The following FHOD3 variants were observed in gnomAD, a reference collection of about 807,000 sequenced individuals.
FHOD3 encodes the protein formin homology 2 domain containing 3, also known as FH1/FH2 domain-containing protein 3.
A neutral mutation model predicts 173.0 loss-of-function variants in FHOD3; 90 were observed. That is an observed-to-expected ratio of 0.52 (90% CI 0.44 to 0.62). FHOD3 has a LOEUF of 0.62. FHOD3 is among the 20% of genes least tolerant of loss of function. FHOD3 has a pLI of 0.00. For synonymous variants in FHOD3, 828 were observed against 823.0 expected (o/e 1.01, Z -0.10); for missense variants, 1,945 against 2,034.7 (o/e 0.96, Z 0.85).
intron 5 of FHOD3, among the ~76,000 whole-genome samples, chr18:36,536,721 T>A (rs2057009604): frequency 1.3e-5 from 2 of 152,146 alleles, no homozygotes; most frequent in African/African-American, 4.8e-5. Context: ...CCCACACTCC[T>A]GTCTGCTTTT....
At chr18:36,779,143 C>T in intron 28 of FHOD3, 2 of 396,348 alleles carry the variant, frequency 5.0e-6, no homozygotes, top group East Asian at 4.4e-5. Context: ...TTCTCAGAAG[C>T]CTCGTGAGGG....
intron 7 of FHOD3, among the ~76,000 whole-genome samples, chr18:36,602,016 A>G (rs1271962368): frequency 1.3e-5 from 2 of 152,210 alleles, no homozygotes; most frequent in Non-Finnish European, 2.9e-5. Context: ...CCTCACTTGC[A>G]CAGTGACAGG....
intron 3 of FHOD3, among the ~76,000 whole-genome samples, chr18:36,486,967 C>CTGCA (rs1189830519): frequency 1.3e-5 from 2 of 152,170 alleles, no homozygotes; most frequent in African/African-American, 2.4e-5. Context: ...TTCATCTAGG[C>CTGCA]TGCATGCGTC....
intron 15 of FHOD3, among the ~76,000 whole-genome samples, chr18:36,686,640 A>T (rs1304727359): frequency 0.026 from 1 of 38 alleles, no homozygotes; most frequent in South Asian, 0.5. Flanking sequence ...CCTGGAAATA[A>T]AAAAAAAAAA....
intron 5 of FHOD3, among the ~76,000 whole-genome samples, chr18:36,543,497 A>G (rs909068048): frequency 3.3e-5 from 5 of 152,186 alleles, no homozygotes; most frequent in African/African-American, 1.2e-4. Flanking sequence ...TCCAGAAAAG[A>G]CAGTGCTGGA....
At chr18:36,515,338 C>T (rs1054255706) in intron 5 of FHOD3, among the ~76,000 whole-genome samples, 2 of 152,182 alleles carry the variant, frequency 1.3e-5, no homozygotes, top group Non-Finnish European at 2.9e-5. Context: ...CTGCCTCAGC[C>T]TCCCAAGTAG....
At chr18:36,507,073 T>G (rs907993670) in intron 4 of FHOD3, among the ~76,000 whole-genome samples, 4 of 152,072 alleles carry the variant, frequency 2.6e-5, no homozygotes, top group African/African-American at 4.8e-5. Context: ...CATGTTATGC[T>G]TTTTCATTGT....
At chr18:36,760,866 C>T in intron 27 of FHOD3, 84 bp downstream of exon 27, 1 of 1,408,402 alleles carries the variant, frequency 7.1e-7, no homozygotes, top group Non-Finnish European at 9.4e-7. Context: ...AGGCTGCGGT[C>T]CACGGCTGTG....
intron 1 of FHOD3, among the ~76,000 whole-genome samples, chr18:36,347,542 T>C (rs2045931237): frequency 6.6e-6 from 1 of 152,348 alleles, no homozygotes; most frequent in African/African-American, 2.4e-5. Flanking sequence ...ACATAACTTA[T>C]TAAATATTTC....
chr18:36,460,085 A>G (rs1209092196), intron 3 of FHOD3, among the ~76,000 whole-genome samples: 1 of 152,174 alleles, frequency 6.6e-6, no homozygotes, highest in African/African-American at 2.4e-5. Flanking sequence ...ATGCTTTCTA[A>G]TGTGCCATTC....
intron 19 of FHOD3, among the ~76,000 whole-genome samples, chr18:36,727,501 C>T (rs2041137230): frequency 6.6e-6 from 1 of 152,188 alleles, no homozygotes; most frequent in Non-Finnish European, 1.5e-5. Context: ...CTAGAGCTTG[C>T]ATAATTCCAT....
At chr18:36,532,866 AGAG>A (rs2056844196) in intron 5 of FHOD3, among the ~76,000 whole-genome samples, 1 of 152,244 alleles carries the variant, frequency 6.6e-6, no homozygotes, top group Non-Finnish European at 1.5e-5. Flanking sequence ...AACCATTGTT[AGAG>A]GAGATGAAAT....
intron 6 of FHOD3, among the ~76,000 whole-genome samples, chr18:36,588,333 A>G (rs530801021): frequency 6.6e-6 from 1 of 152,292 alleles, no homozygotes; most frequent in African/African-American, 2.4e-5. Context: ...GTCACTTGAG[A>G]TCTTTTTTTC....
At chr18:36,746,872 G>A (rs1393489408) in intron 23 of FHOD3, 73 bp from the exon 24 acceptor site, 9 of 1,144,538 alleles carry the variant, frequency 7.9e-6, no homozygotes, top group Admixed American at 5.4e-5. Flanking sequence ...CTCCCCAGAG[G>A]CAGTTTTGTC....
At chr18:36,714,094 T>C (rs749158829) in intron 18 of FHOD3, among the ~76,000 whole-genome samples, 5 of 152,038 alleles carry the variant, frequency 3.3e-5, no homozygotes, top group Admixed American at 6.6e-5. Context: ...ATGCAAAAAT[T>C]AAATCAGAGA....
chr18:36,587,130 T>TAGTC (rs146449413), intron 6 of FHOD3, among the ~76,000 whole-genome samples: 1,745 of 152,256 alleles, frequency 0.011, 27 homozygotes, highest in African/African-American at 0.04. Flanking sequence ...AGGGAAGGAA[T>TAGTC]AGTCATGTCT....
chr18:36,701,239 T>G (rs1174809269), intron 17 of FHOD3, among the ~76,000 whole-genome samples: 4 of 152,160 alleles, frequency 2.6e-5, no homozygotes, highest in African/African-American at 9.7e-5. Flanking sequence ...GGAGGACACA[T>G]CTTTGACTAT....
rs1426265173 is a variant in FHOD3 at position 36,297,725 on chromosome 18, C to G, written c.-111C>G. 27 of 828,332 alleles carry G rather than the reference C, an allele frequency of 3.3e-5. No homozygotes were observed. Among genetic ancestry groups the G allele is most frequent in the Non-Finnish European group, 4.0e-5 (26 of 645,304 alleles). The allele number at this position is 828,332 out of a possible 1,614,324, so 51.3% of individuals were successfully genotyped here. On this transcript the variant is annotated 5_prime_UTR_variant, in exon 1 of 29. Coordinates refer to ENST00000590592, the MANE Select transcript of FHOD3 (RefSeq NM_001281740.3). ...GCCCGGCGCGCCTGAGCCTGCGAGTCCGCGAGCCAGCGAGCTGCGGCTGCG... is the reference window on the plus strand; with the variant it reads ...GCCCGGCGCGCCTGAGCCTGCGAGTGCGCGAGCCAGCGAGCTGCGGCTGCG...
chr18:36,357,692 A>C (rs916670126), intron 2 of FHOD3, among the ~76,000 whole-genome samples: 4 of 152,224 alleles, frequency 2.6e-5, no homozygotes, highest in Non-Finnish European at 5.9e-5. Context: ...CAAGTATTTG[A>C]CAGTGACATC....
Sources: gnomAD v4.1 joint callset for allele counts (sites outside exome capture counted in the v4.1 genomes callset) on GRCh38, gnomAD v4.1.1 for gene constraint, MANE v1.5 for transcripts, NCBI Gene and HGNC (gene_info 2026-07-23, HGNC 2026-07-21) for gene names.